RORA: variants seen among roughly 807,000 people sequenced by gnomAD.
RORA encodes the protein nuclear receptor ROR-alpha.
Under a neutral mutation model 69.5 loss-of-function variants are expected in RORA, and 7 were observed. The observed-to-expected ratio is 0.10, with a 90% CI of 0.06 to 0.19. The LOEUF is 0.19. Among genes scored for constraint, RORA ranks in the 10% least tolerant of loss-of-function variants. RORA has a pLI of 1.00. For missense variants in RORA, 457 were observed against 663.0 expected (o/e 0.69, Z 3.41); for synonymous variants, 261 against 240.8 (o/e 1.08, Z -0.78).
At chr15:61,083,598 A>G (rs189836310) in intron 1 of RORA, among the ~76,000 whole-genome samples, 67 of 151,996 alleles carry the variant, frequency 4.4e-4, no homozygotes, top group Non-Finnish European at 7.5e-4. Flanking sequence ...CCGACTCCAC[A>G]TCTGTTGCTG....
chr15:60,739,458 C>G (rs1226724502), intron 1 of RORA, among the ~76,000 whole-genome samples: 1 of 152,034 alleles, frequency 6.6e-6, no homozygotes, highest in Non-Finnish European at 1.5e-5. Flanking sequence ...TGTGGTCCTG[C>G]TACTCGAGGG....
rs374433414 is a variant in RORA at position 60,763,065 on chromosome 15, A to ATTTTTTTTTTTTTTTTTTTTTT, written c.167-84401_167-84380dup. Among the ~76,000 whole-genome samples, 38 of 48,372 alleles carry ATTTTTTTTTTTTTTTTTTTTTT rather than the reference A, an allele frequency of 7.9e-4. 6 individuals carry two copies. Among genetic ancestry groups the ATTTTTTTTTTTTTTTTTTTTTT allele is most frequent in the South Asian group, 4.4e-3 (4 of 912 alleles). The allele number at this position is 48,372 out of a possible 152,430, so 31.7% of individuals were successfully genotyped here. ...AAAGTACTGTTTCCAATATGCACAG[A>ATTTTTTTTTTTTTTTTTTTTTT]TTTTTTTTTTTTTTTTTTTTTTTTT... On this transcript the variant is annotated intron_variant, in intron 1 of 10. Transcript: ENST00000335670.
chr15:61,139,142 TAAA>T (rs61302970), intron 1 of RORA, among the ~76,000 whole-genome samples: 1 of 136,588 alleles, frequency 7.3e-6, no homozygotes, highest in African/African-American at 2.7e-5. Flanking sequence ...AGACTCCGTC[TAAA>T]AAAAAAAAAA....
At chr15:60,778,426 T>C (rs559684609) in intron 1 of RORA, among the ~76,000 whole-genome samples, 2 of 152,294 alleles carry the variant, frequency 1.3e-5, no homozygotes, top group African/African-American at 4.8e-5. Flanking sequence ...CCTTAGGTTA[T>C]GTGGCAAACC....
At chr15:61,143,207 G>A (rs1193893854) in intron 1 of RORA, among the ~76,000 whole-genome samples, 3 of 151,642 alleles carry the variant, frequency 2.0e-5, no homozygotes, top group African/African-American at 7.3e-5. Flanking sequence ...ACAGAAGAAA[G>A]GTATCATTTT....
At chr15:60,526,796 G>GATA (rs919011070) in intron 3 of RORA, among the ~76,000 whole-genome samples, 3 of 152,170 alleles carry the variant, frequency 2.0e-5, no homozygotes, top group African/African-American at 7.2e-5. Context: ...TCACAACTGA[G>GATA]ATAATAATAT....
intron 1 of RORA, among the ~76,000 whole-genome samples, chr15:60,732,100 G>C (rs1386682290): frequency 6.6e-6 from 1 of 152,180 alleles, no homozygotes; most frequent in African/African-American, 2.4e-5. Flanking sequence ...TGGGTACACA[G>C]AGTTTTCAAG....
At chr15:60,665,090 T>G (rs2070361356) in intron 2 of RORA, among the ~76,000 whole-genome samples, 1 of 152,256 alleles carries the variant, frequency 6.6e-6, no homozygotes, top group African/African-American at 2.4e-5. Context: ...AAGTCACGTG[T>G]TCTGACCTTG....
chr15:60,882,206 TA>T (rs2073688774), intron 1 of RORA, among the ~76,000 whole-genome samples: 2 of 152,204 alleles, frequency 1.3e-5, no homozygotes, highest in South Asian at 4.1e-4. Context: ...CACGGAATTA[TA>T]GTATTTTTCA....
chr15:61,097,471 G>A (rs2078807857), intron 1 of RORA, among the ~76,000 whole-genome samples: 1 of 151,818 alleles, frequency 6.6e-6, no homozygotes, highest in Non-Finnish European at 1.5e-5. Context: ...TGTTCTCCAA[G>A]GGGGCTCCAG....
chr15:61,194,514 G>A (rs2079829594), intron 1 of RORA, among the ~76,000 whole-genome samples: 1 of 146,800 alleles, frequency 6.8e-6, no homozygotes, highest in African/African-American at 2.5e-5. Flanking sequence ...AGTGAGCTAA[G>A]ACTGTGCCAC....
At chr15:60,947,568 G>A (rs1336970945) in intron 1 of RORA, among the ~76,000 whole-genome samples, 1 of 151,636 alleles carries the variant, frequency 6.6e-6, no homozygotes, top group Non-Finnish European at 1.5e-5. Flanking sequence ...AGGCCCCAGG[G>A]TCCTCTGCCT....
intron 1 of RORA, among the ~76,000 whole-genome samples, chr15:60,714,334 C>T (rs557944987): frequency 2.1e-4 from 32 of 152,142 alleles, no homozygotes; most frequent in South Asian, 1.7e-3. Context: ...GCTGGGATTA[C>T]AGGCGTGAGC....
At chr15:61,094,705 C>T (rs533405766) in intron 1 of RORA, among the ~76,000 whole-genome samples, 3 of 152,338 alleles carry the variant, frequency 2.0e-5, no homozygotes, top group Admixed American at 1.3e-4. Context: ...TGAGCCACTA[C>T]TGGGTATCCA....
At chr15:61,005,363 C>T (rs753528043) in intron 1 of RORA, among the ~76,000 whole-genome samples, 1 of 152,100 alleles carries the variant, frequency 6.6e-6, no homozygotes, top group Non-Finnish European at 1.5e-5. Context: ...GCCTGTAATA[C>T]CAGCTACTCA....
At chr15:60,972,802 A>G (rs1893757618) in intron 1 of RORA, among the ~76,000 whole-genome samples, 1 of 152,218 alleles carries the variant, frequency 6.6e-6, no homozygotes, top group Non-Finnish European at 1.5e-5. Context: ...AAGCATGTTG[A>G]TTCGTCAGCA....
At chr15:60,851,615 T>C (rs2073325158) in intron 1 of RORA, among the ~76,000 whole-genome samples, 1 of 152,166 alleles carries the variant, frequency 6.6e-6, no homozygotes, top group Admixed American at 6.5e-5. Flanking sequence ...ACCTTGGCAC[T>C]TGCTTCCTTT....
chr15:60,927,745 G>C (rs1892258577), intron 1 of RORA, among the ~76,000 whole-genome samples: 1 of 152,198 alleles, frequency 6.6e-6, no homozygotes, highest in South Asian at 2.1e-4. Flanking sequence ...CTGCACTCCA[G>C]CCTGGGTGAC....
At chr15:60,514,520 G>A (rs1426128968) in intron 4 of RORA, 96 bp downstream of exon 4, 3 of 1,203,836 alleles carry the variant, frequency 2.5e-6, no homozygotes, top group Non-Finnish European at 3.6e-6. Context: ...ATGAGGAGGG[G>A]GCAGGCGGGG....
Sources: allele counts gnomAD v4.1 joint callset (sites outside exome capture counted in the v4.1 genomes callset), GRCh38; gene constraint gnomAD v4.1.1; transcripts MANE v1.5; gene names NCBI Gene and HGNC (gene_info 2026-07-23, HGNC 2026-07-21).